NR3C2: variants seen among roughly 807,000 people sequenced by gnomAD.
The protein encoded by NR3C2 is mineralocorticoid receptor.
In NR3C2, 15 loss-of-function variants were observed where a neutral mutation model predicts 86.4. The observed-to-expected ratio is 0.17, with a 90% CI of 0.12 to 0.27. NR3C2 has a LOEUF of 0.27. NR3C2 is among the 10% of genes least tolerant of loss of function. The probability of loss-of-function intolerance (pLI) is 1.00; values close to 1 mark genes in which losing one functional copy is unlikely to be tolerated. For synonymous variants in NR3C2, 458 were observed against 450.5 expected, an observed-to-expected ratio of 1.02 and a Z score of -0.21; for missense variants, 960 against 1,195.6, an observed-to-expected ratio of 0.80 and a Z score of 2.91.
At chr4:148,269,540 T>G (rs1269809355) in intron 2 of NR3C2, among the ~76,000 whole-genome samples, 1 of 152,208 alleles carries the variant, frequency 6.6e-6, no homozygotes, top group Admixed American at 6.5e-5. Flanking sequence ...TAAAAAGATC[T>G]AACATCAAAT....
chr4:148,211,500 T>C (rs72653872), intron 3 of NR3C2, among the ~76,000 whole-genome samples: 152 of 152,378 alleles, frequency 1.0e-3, no homozygotes, highest in South Asian at 3.1e-3. Flanking sequence ...TTTATTTTTA[T>C]GTTGCAATTA....
chr4:148,434,259 T>A (rs1282757104), intron 2 of NR3C2, among the ~76,000 whole-genome samples: 1 of 152,162 alleles, frequency 6.6e-6, no homozygotes, highest in African/African-American at 2.4e-5. Context: ...CAAAGTCCAA[T>A]CCAAGTATTC....
At chr4:148,363,359 C>A (rs566457961) in intron 2 of NR3C2, among the ~76,000 whole-genome samples, 1 of 152,204 alleles carries the variant, frequency 6.6e-6, no homozygotes, top group Admixed American at 6.5e-5. Flanking sequence ...TCAGAACACA[C>A]CTTCCTTCCA....
intron 6 of NR3C2, among the ~76,000 whole-genome samples, chr4:148,151,508 C>T (rs1017761863): frequency 2.6e-5 from 4 of 152,190 alleles, no homozygotes; most frequent in Non-Finnish European, 4.4e-5. Context: ...ACTGATGTTT[C>T]TAATTTATGT....
chr4:148,254,552 C>T (rs1212390969), intron 3 of NR3C2, among the ~76,000 whole-genome samples: 1 of 152,134 alleles, frequency 6.6e-6, no homozygotes, highest in Non-Finnish European at 1.5e-5. Context: ...TATCACACAT[C>T]TGGGCAAACA....
intron 2 of NR3C2, among the ~76,000 whole-genome samples, chr4:148,301,155 A>C (rs920920250): frequency 6.6e-6 from 1 of 152,110 alleles, no homozygotes; most frequent in African/African-American, 2.4e-5. Context: ...CAAACAAAAA[A>C]TCTTATAGCT....
chr4:148,100,454 A>G (rs949184623), intron 8 of NR3C2, among the ~76,000 whole-genome samples: 3 of 152,254 alleles, frequency 2.0e-5, no homozygotes, highest in African/African-American at 7.2e-5. Context: ...ACAAATGGCC[A>G]TTAGCGCCTG....
At chr4:148,272,006 T>C (rs906830009) in intron 2 of NR3C2, among the ~76,000 whole-genome samples, 11 of 152,172 alleles carry the variant, frequency 7.2e-5, no homozygotes, top group Non-Finnish European at 1.5e-4. Flanking sequence ...TAAGCAGGTA[T>C]TGAAACAGTT....
chr4:148,444,259 A>T (rs564935481), upstream of NR3C2: 151 of 985,348 alleles, frequency 1.5e-4, no homozygotes, highest in African/African-American at 1.8e-3. Context: ...TCCTTTGAGG[A>T]GGGCCGGTCT....
At chr4:148,096,726 T>C (rs1416002784) in intron 8 of NR3C2, among the ~76,000 whole-genome samples, 1 of 152,216 alleles carries the variant, frequency 6.6e-6, no homozygotes, top group East Asian at 1.9e-4. Flanking sequence ...TTTTGTGACA[T>C]GTTCATATGT....
chr4:148,373,857 T>C lies in NR3C2; in HGVS notation c.1757+61247A>G, dbSNP rs552387045. ...TAATTTAAACTCAGTTAATAGGATA[T>C]ATCTGTGAAACAGACATCCTATTAT... On this transcript the variant is annotated intron_variant, in intron 2 of 8. Coordinates refer to ENST00000358102, the MANE Select transcript of NR3C2 (RefSeq NM_000901.5). Among the ~76,000 whole-genome samples, 8 of 152,312 alleles carry C rather than the reference T, an allele frequency of 5.3e-5. No homozygotes were observed. The South Asian group carries it at 1.7e-3, about 32-fold the overall frequency.
chr4:148,287,538 G>C (rs895723773), intron 2 of NR3C2, among the ~76,000 whole-genome samples: 4 of 152,244 alleles, frequency 2.6e-5, no homozygotes, highest in South Asian at 4.2e-4. Flanking sequence ...GGCTGATTTG[G>C]AATTGCCAAC....
chr4:148,120,244 A>G lies in NR3C2; in HGVS notation c.2555T>C (p.Met852Thr). The change falls in exon 7 of 9, where the codon ATG becomes ACG. Residue 852 changes from methionine (M) to threonine (T), a missense_variant. By Grantham distance (81) the Met-to-Thr change is moderately conservative. Around this residue, in one of 4 missense-constraint regions of NR3C2, gnomAD observed 151 missense variants for 296.3 expected, o/e 0.51. Transcript: ENST00000358102. The stretch of plus-strand genomic sequence containing the variant: ...AACGAACTGAAGGCTGATTTGGTGC[A>G]TCCCCTGGCATAGTTCATACATGGC... ...QSAMYELCQGMHQISLQFVRL... is the reference protein window; with the variant it reads ...QSAMYELCQGTHQISLQFVRL... 1 of 1,614,168 alleles carries G rather than the reference A, an allele frequency of 6.2e-7. No individual in the cohort carries two copies. The highest frequency in any genetic ancestry group is 8.5e-7 in the Non-Finnish European group (1 of 1,180,004).
chr4:148,294,581 G>A (rs1201705351), intron 2 of NR3C2, among the ~76,000 whole-genome samples: 1 of 151,468 alleles, frequency 6.6e-6, no homozygotes, highest in Non-Finnish European at 1.5e-5. Context: ...TTTAATGCAA[G>A]TACCTCAACT....
chr4:148,436,601 T>A lies in NR3C2; in HGVS notation c.260A>T (p.Asp87Val). 6.2e-7 allele frequency: 1 copy of A among 1,614,202 alleles called. No individual in the cohort carries two copies. Among genetic ancestry groups the A allele is most frequent in the South Asian group, 1.1e-5 (1 of 91,080 alleles). ...CTTAGATTCCAGCTCAGTTTTAATA[T>A]CAGATGTTAAAATCCCAGGCCGATT... ...DNNRPGILTS[D>V]IKTELESKEL... Residue 87 changes from aspartate (D) to valine (V), a missense_variant, in exon 2 of 9, where the codon GAT becomes GTT. By Grantham distance (152) the Asp-to-Val change is radical. Coordinates refer to ENST00000358102, the MANE Select transcript of NR3C2 (RefSeq NM_000901.5).
At chr4:148,271,493 C>A (rs72655257) in intron 2 of NR3C2, among the ~76,000 whole-genome samples, 74 of 152,196 alleles carry the variant, frequency 4.9e-4, no homozygotes, top group African/African-American at 1.8e-3. Context: ...TCGGCACACA[C>A]TGAACTAGTG....
intron 4 of NR3C2, among the ~76,000 whole-genome samples, chr4:148,176,575 G>A (rs183158890): frequency 4.7e-4 from 71 of 152,332 alleles, no homozygotes; most frequent in Non-Finnish European, 4.7e-4. Context: ...GAAGCAAAGA[G>A]AAAGAACTCT....
In NR3C2 at chr4:148,194,808, C is replaced by T. The variant is rs2149802718; in HGVS notation, c.1952G>A (p.Arg651Gln). 1.2e-6 allele frequency: 2 copies of T among 1,612,572 alleles called. No individual in the cohort carries two copies. Among genetic ancestry groups the T allele is most frequent in the East Asian group, 2.2e-5 (1 of 44,826 alleles). The change falls in exon 4 of 9, where the codon CGA becomes CAA. Residue 651 changes from arginine (R) to glutamine (Q), a missense_variant. Coordinates refer to ENST00000358102, the MANE Select transcript of NR3C2 (RefSeq NM_000901.5). ...TCTGCAAGCAGGACAATTCTTTCGT[C>T]GAATCTTATCAATGATGCAATCATT... ...GRNDCIIDKI[R>Q]RKNCPACRLQ...
intron 2 of NR3C2, among the ~76,000 whole-genome samples, chr4:148,392,211 G>A (rs1024055049): frequency 6.6e-6 from 1 of 152,166 alleles, no homozygotes; most frequent in African/African-American, 2.4e-5. Flanking sequence ...AAAGAAGCTT[G>A]AATTAGAAGA....
Sources: gnomAD v4.1 joint callset for allele counts (sites outside exome capture counted in the v4.1 genomes callset) on GRCh38, gnomAD v4.1.1 for gene constraint, gnomAD v4.1.1 regional missense constraint, MANE v1.5 for transcripts, NCBI Gene and HGNC (gene_info 2026-07-23, HGNC 2026-07-21) for gene names.